PDZRN4: variants seen among roughly 807,000 people sequenced by gnomAD.
PDZRN4 encodes the protein PDZ domain containing ring finger 4, also known as PDZ domain-containing RING finger protein 4.
A neutral mutation model predicts 99.0 loss-of-function variants in PDZRN4; 70 were observed. The observed-to-expected ratio is 0.71, with a 90% confidence interval of 0.58 to 0.86. PDZRN4 has a LOEUF of 0.86. Ranked by LOEUF, PDZRN4 falls within the 40% of genes least tolerant of loss-of-function variation. The pLI, the probability that PDZRN4 is intolerant of heterozygous loss-of-function variation, is 0.00. For missense variants in PDZRN4, 1,474 were observed against 1,331.2 expected, an observed-to-expected ratio of 1.11 and a Z score of -1.67; for synonymous variants, 551 against 501.6, an observed-to-expected ratio of 1.10 and a Z score of -1.32.
At chr12:41,223,761 C>T (rs1344876396) in intron 3 of PDZRN4, among the ~76,000 whole-genome samples, 3 of 152,166 alleles carry the variant, frequency 2.0e-5, no homozygotes, top group African/African-American at 7.2e-5. Context: ...CCCATTTTCT[C>T]TGTGGAATGG....
chr12:41,459,448 T>A (rs1324228386), intron 3 of PDZRN4, among the ~76,000 whole-genome samples: 1 of 152,186 alleles, frequency 6.6e-6, no homozygotes. Flanking sequence ...AAATGAACAT[T>A]CAGAAATTGG....
rs536617358 is a variant in PDZRN4, at chr12:41,367,339, G to A, written c.844-139117G>A. 7.2e-5 allele frequency among the ~76,000 whole-genome samples: 11 copies of A among 151,954 alleles called. No homozygotes were observed. In the East Asian group the frequency reaches 1.2e-3, roughly 16 times the overall value. ...AGCCTGACTAATATGGTGAAACCTC[G>A]TCTCTACTAAAAATACAAAAATTAA... is the stretch of plus-strand genomic sequence containing the variant. On this transcript the variant is annotated intron_variant, in intron 3 of 9. Transcript: ENST00000402685.
intron 3 of PDZRN4, among the ~76,000 whole-genome samples, chr12:41,428,869 G>A (rs1409722230): frequency 6.6e-6 from 1 of 152,110 alleles, no homozygotes; most frequent in African/African-American, 2.4e-5. Flanking sequence ...ATGAAATGAA[G>A]GAAGGAGAGA....
chr12:41,338,361 A>G (rs1951790422), intron 3 of PDZRN4, among the ~76,000 whole-genome samples: 1 of 152,120 alleles, frequency 6.6e-6, no homozygotes, highest in African/African-American at 2.4e-5. Context: ...CAATATATGA[A>G]GAATAGCATT....
chr12:41,524,316 T>C (rs964959965), intron 5 of PDZRN4, among the ~76,000 whole-genome samples: 2 of 152,154 alleles, frequency 1.3e-5, no homozygotes, highest in African/African-American at 4.8e-5. Context: ...GCAATTCCTA[T>C]CAAAATCCCA....
At chr12:41,341,383 G>A (rs1360741716) in intron 3 of PDZRN4, among the ~76,000 whole-genome samples, 2 of 151,726 alleles carry the variant, frequency 1.3e-5, no homozygotes, top group Non-Finnish European at 3.0e-5. Flanking sequence ...AGAAATAAAA[G>A]GCATCCCTGT....
intron 3 of PDZRN4, among the ~76,000 whole-genome samples, chr12:41,363,314 A>G (rs1188738673): frequency 1.3e-5 from 2 of 152,102 alleles, no homozygotes; most frequent in East Asian, 3.9e-4. Context: ...GTGCATTTTT[A>G]TCTTCATTAT....
Position 41,561,609 on chromosome 12 carries a change from C to CTA in PDZRN4, c.1366-1923_1366-1922dup, listed in dbSNP as rs3075048. Among the ~76,000 whole-genome samples, 782 of 145,170 alleles carry CTA rather than the reference C, an allele frequency of 5.4e-3. 9 individuals are homozygous for CTA. Among genetic ancestry groups the CTA allele is most frequent in the Middle Eastern group, 0.022 (6 of 276 alleles). On this transcript the variant is annotated intron_variant, in intron 7 of 9. Transcript: ENST00000402685. ...ATATATTAAGTTATATATATAAAGA[C>CTA]TATATATATATATATATGTACAGTC...
At chr12:41,341,518 A>G (rs1951816679) in intron 3 of PDZRN4, among the ~76,000 whole-genome samples, 1 of 151,894 alleles carries the variant, frequency 6.6e-6, no homozygotes. Context: ...AACAAAATCA[A>G]CATATAAAAA....
chr12:41,430,233 G>A (rs1179700720), intron 3 of PDZRN4, among the ~76,000 whole-genome samples: 1 of 152,196 alleles, frequency 6.6e-6, no homozygotes, highest in Non-Finnish European at 1.5e-5. Flanking sequence ...ACTTTGGGAG[G>A]CCAAGGTGGG....
At chr12:41,365,352 A>C (rs533228486) in intron 3 of PDZRN4, among the ~76,000 whole-genome samples, 1 of 152,200 alleles carries the variant, frequency 6.6e-6, no homozygotes, top group South Asian at 2.1e-4. Context: ...ACATTGGTTC[A>C]GCTATTATAA....
At chr12:41,549,531 C>T (rs1186807984) in intron 5 of PDZRN4, among the ~76,000 whole-genome samples, 1 of 152,132 alleles carries the variant, frequency 6.6e-6, no homozygotes, top group Non-Finnish European at 1.5e-5. Context: ...CCAAGAAATA[C>T]AACTTCACAC....
At chr12:41,322,175 G>T (rs1246616099) in intron 3 of PDZRN4, among the ~76,000 whole-genome samples, 1 of 152,086 alleles carries the variant, frequency 6.6e-6, no homozygotes, top group African/African-American at 2.4e-5. Flanking sequence ...GGGACTACAG[G>T]AACGTGCCAC....
intron 9 of PDZRN4, among the ~76,000 whole-genome samples, chr12:41,569,700 G>A (rs1323378517): frequency 6.6e-6 from 1 of 152,156 alleles, no homozygotes; most frequent in Non-Finnish European, 1.5e-5. Context: ...TAACAGAAAT[G>A]TGTATGTGTG....
chr12:41,509,312 G>C (rs1339927456), intron 4 of PDZRN4, among the ~76,000 whole-genome samples: 1 of 152,106 alleles, frequency 6.6e-6, no homozygotes, highest in African/African-American at 2.4e-5. Context: ...AGAAAGAGAG[G>C]AGGGGACAAT....
intron 3 of PDZRN4, among the ~76,000 whole-genome samples, chr12:41,348,812 T>C (rs545209927): frequency 2.0e-5 from 3 of 152,144 alleles, no homozygotes; most frequent in East Asian, 1.9e-4. Flanking sequence ...AGCTACTGGG[T>C]TCAGATTTCA....
intron 3 of PDZRN4, among the ~76,000 whole-genome samples, chr12:41,244,568 C>T (rs1951121138): frequency 6.6e-6 from 1 of 152,086 alleles, no homozygotes; most frequent in Admixed American, 6.5e-5. Context: ...CAAACCAGAA[C>T]ACTTCCTGTT....
chr12:41,293,689 T>C (rs1951472108), intron 3 of PDZRN4, among the ~76,000 whole-genome samples: 1 of 152,174 alleles, frequency 6.6e-6, no homozygotes, highest in East Asian at 1.9e-4. Context: ...TACCAGAGGA[T>C]GTGACATGGA....
At chr12:41,310,159 C>G (rs1465900767) in intron 3 of PDZRN4, among the ~76,000 whole-genome samples, 2 of 152,146 alleles carry the variant, frequency 1.3e-5, no homozygotes, top group South Asian at 2.1e-4. Flanking sequence ...TCTTGAACTA[C>G]TGACCTCAAG....
Sources: gnomAD v4.1 joint callset for allele counts (sites outside exome capture counted in the v4.1 genomes callset) on GRCh38, gnomAD v4.1.1 for gene constraint, MANE v1.5 for transcripts, NCBI Gene and HGNC (gene_info 2026-07-23, HGNC 2026-07-21) for gene names.